Variants in PIR observed in about 807,000 individuals in gnomAD.
The protein encoded by PIR is pirin (iron-binding nuclear protein).
Under a neutral mutation model 24.2 loss-of-function variants are expected in PIR, and 22 were observed. The ratio of observed to expected loss-of-function variants is 0.91; its 90% CI spans 0.65 to 1.30. The LOEUF is 1.30. PIR is among the 50% of genes most tolerant of loss of function. PIR has a pLI of 0.00. For synonymous variants in PIR, 80 were observed against 79.6 expected (o/e 1.00, Z -0.03); for missense variants, 220 against 220.3 (o/e 1.00, Z 0.01).
chrX:15,418,816 CA>C (rs770756972), intron 6 of PIR, among the ~76,000 whole-genome samples: 30 of 111,891 alleles, frequency 2.7e-4, no homozygotes, highest in Admixed American at 6.7e-4. Context: ...TTCCCAGTAT[CA>C]GGGAGAGGAT....
intron 8 of PIR, among the ~76,000 whole-genome samples, chrX:15,393,262 A>G (rs149441639): frequency 6.3e-4 from 71 of 112,055 alleles, no homozygotes; most frequent in Middle Eastern, 4.6e-3. Context: ...TTGTTATTCC[A>G]TAAGTATTTT....
intron 7 of PIR, among the ~76,000 whole-genome samples, chrX:15,398,179 T>C (rs1404035453): frequency 3.6e-5 from 4 of 111,061 alleles, no homozygotes; most frequent in African/African-American, 1.3e-4. Flanking sequence ...CACACCAACA[T>C]GGCACGTGTA....
chrX:15,452,819 C>T (rs1235587759), intron 5 of PIR, among the ~76,000 whole-genome samples: 1 of 111,977 alleles, frequency 8.9e-6, no homozygotes, highest in Non-Finnish European at 1.9e-5. Context: ...TTTATCAAGA[C>T]CCTCAGGTAA....
At chrX:15,389,667 G>A (rs184934730) in intron 9 of PIR, among the ~76,000 whole-genome samples, 42 of 111,467 alleles carry the variant, frequency 3.8e-4, no homozygotes, top group Middle Eastern at 4.7e-3. Flanking sequence ...AGGATTTTCT[G>A]CCTCTAAGTA....
intron 9 of PIR, among the ~76,000 whole-genome samples, chrX:15,387,189 G>A (rs1012213039): frequency 4.0e-5 from 4 of 98,972 alleles, no homozygotes; most frequent in Non-Finnish European, 6.0e-5. Flanking sequence ...TCCGCCTCCC[G>A]GGTTCAAGTA....
intron 2 of PIR, among the ~76,000 whole-genome samples, chrX:15,488,278 C>CAAAAAAA (rs1184870069): frequency 6.3e-5 from 2 of 31,904 alleles, no homozygotes; most frequent in African/African-American, 1.9e-4. Context: ...AACTCCGTCT[C>CAAAAAAA]AAAAAAAAAA....
chrX:15,395,989 C>T (rs1241795293), intron 8 of PIR, among the ~76,000 whole-genome samples: 1 of 111,699 alleles, frequency 9.0e-6, no homozygotes, highest in East Asian at 2.8e-4. Context: ...CCCTTCATCA[C>T]TTCTTTCTGG....
Position 15,470,600 on chromosome X carries a change from C to CTTTCT in PIR, c.189+9128_189+9129insAGAAA, listed in dbSNP as rs1464069729. The stretch of plus-strand genomic sequence containing the variant: ...TTTTTCTTTCTTTCTTTCTTTCTTT[C>CTTTCT]TTTTTTTTTTTTTTTTTTGAGACAG... On this transcript the variant is annotated intron_variant, in intron 3 of 9. Coordinates refer to ENST00000380420, the MANE Select transcript of PIR (RefSeq NM_001018109.3). Among the ~76,000 whole-genome samples the CTTTCT allele has an allele frequency of 6.4e-4, 29 of 45,073 alleles. No individual in the cohort carries two copies. The South Asian group carries it at 8.4e-3, about 13-fold the overall frequency. The allele number at this position is 45,073 out of a possible 115,157, so 39.1% of individuals were successfully genotyped here. A position where few individuals can be genotyped will look rare whatever the true frequency, so the allele number is the denominator to read the frequency against.
At chrX:15,433,554 G>T (rs1325277563) in intron 5 of PIR, among the ~76,000 whole-genome samples, 4 of 96,435 alleles carry the variant, frequency 4.1e-5, no homozygotes, top group Non-Finnish European at 8.3e-5. Context: ...GAGAGAGAAA[G>T]AAAGAAAGAG....
intron 3 of PIR, among the ~76,000 whole-genome samples, chrX:15,477,750 T>C (rs1922274056): frequency 8.9e-6 from 1 of 111,762 alleles, no homozygotes; most frequent in Non-Finnish European, 1.9e-5. Flanking sequence ...AAAAAGAGCA[T>C]CGCTTCATTC....
chrX:15,450,446 GTA>G (rs1926244776), intron 5 of PIR, among the ~76,000 whole-genome samples: 1 of 110,762 alleles, frequency 9.0e-6, no homozygotes, highest in South Asian at 3.8e-4. Flanking sequence ...AAGTGTGCGC[GTA>G]TATGTTACCT....
chrX:15,411,913 T>C (rs915222328), intron 6 of PIR, among the ~76,000 whole-genome samples: 2 of 112,585 alleles, frequency 1.8e-5, no homozygotes, highest in African/African-American at 6.5e-5. Flanking sequence ...AAAGCTAACA[T>C]GTTAACATAT....
intron 2 of PIR, among the ~76,000 whole-genome samples, chrX:15,489,225 GTTAT>G (rs1295905609): frequency 2.3e-4 from 26 of 112,341 alleles, no homozygotes; most frequent in African/African-American, 8.4e-4. Flanking sequence ...ACCAAATCGT[GTTAT>G]TTAATGTAAA....
chrX:15,455,519 C>T (rs572682057), intron 5 of PIR, among the ~76,000 whole-genome samples: 2 of 112,306 alleles, frequency 1.8e-5, no homozygotes, highest in Non-Finnish European at 3.8e-5. Context: ...TCCTGCTGTA[C>T]TAAGGAGCTA....
intron 5 of PIR, among the ~76,000 whole-genome samples, chrX:15,438,480 T>C (rs1925815704): frequency 8.9e-6 from 1 of 112,251 alleles, no homozygotes; most frequent in African/African-American, 3.2e-5. Flanking sequence ...AGCCAGACCA[T>C]CCAGTTAGAA....
chrX:15,403,205 A>G (rs1296982913), intron 7 of PIR, among the ~76,000 whole-genome samples: 1 of 112,107 alleles, frequency 8.9e-6, no homozygotes, highest in East Asian at 2.8e-4. Flanking sequence ...AAACTGCTTA[A>G]TATCACCCAA....
intron 6 of PIR, among the ~76,000 whole-genome samples, chrX:15,411,635 C>T (rs1374603562): frequency 9.0e-6 from 1 of 110,593 alleles, no homozygotes; most frequent in East Asian, 2.8e-4. Context: ...GACCGCAAAG[C>T]AACCCTGGTC....
chrX:15,452,517 A>G (rs771094879), intron 5 of PIR, among the ~76,000 whole-genome samples: 1 of 112,038 alleles, frequency 8.9e-6, no homozygotes, highest in African/African-American at 3.2e-5. Flanking sequence ...CATAAAAGCG[A>G]CAGTATCTTA....
chrX:15,458,403 G>A, intron 4 of PIR, among the ~76,000 whole-genome samples: 1 of 111,599 alleles, frequency 9.0e-6, no homozygotes, highest in African/African-American at 3.3e-5. Context: ...CACTTTGGGA[G>A]GCCAAGGCGG....
Sources: gnomAD v4.1 joint callset for allele counts (sites outside exome capture counted in the v4.1 genomes callset) on GRCh38, gnomAD v4.1.1 for gene constraint, MANE v1.5 for transcripts, NCBI Gene and HGNC (gene_info 2026-07-23, HGNC 2026-07-21) for gene names.